The following HERC4 variants were observed in gnomAD, a reference collection of about 807,000 sequenced individuals.
The protein encoded by HERC4 is probable E3 ubiquitin-protein ligase HERC4.
A neutral mutation model predicts 124.3 loss-of-function variants in HERC4; 28 were observed. The ratio of observed to expected loss-of-function variants is 0.23; its 90% CI spans 0.17 to 0.31. The LOEUF is 0.31. HERC4 is among the 10% of genes least tolerant of loss of function. The pLI is 1.00. For synonymous variants in HERC4, 407 were observed against 421.5 expected (o/e 0.97, Z 0.42); for missense variants, 713 against 1,229.3 (o/e 0.58, Z 6.28).
At chr10:68,058,560 C>T (rs1227814764) in intron 3 of HERC4, among the ~76,000 whole-genome samples, 5 of 152,104 alleles carry the variant, frequency 3.3e-5, no homozygotes, top group South Asian at 2.1e-4. Flanking sequence ...ACTCACCATA[C>T]GCTAGGCATT....
intron 8 of HERC4, among the ~76,000 whole-genome samples, chr10:68,023,006 TAA>T (rs767835359): frequency 7.1e-6 from 1 of 140,226 alleles, no homozygotes; most frequent in African/African-American, 2.6e-5. Flanking sequence ...ATAGGTATTA[TAA>T]AAAAAAAAAG....
rs75340014 is a variant in HERC4 at position 68,035,485 on chromosome 10, A to G, written c.464-1299T>C. Among the ~76,000 whole-genome samples, 927 of 152,318 alleles carry G rather than the reference A, an allele frequency of 6.1e-3. 13 individuals carry two copies. Among genetic ancestry groups the G allele is most frequent in the African/African-American group, 0.021 (863 of 41,552 alleles). On this transcript the variant is annotated intron_variant, in intron 5 of 24. Transcript: ENST00000373700. ...ACAATCGCTCTTACCAATTACTGGT[A>G]AGTCCTTCAAGAAATGTTCTATGCA...
In HERC4 at chr10:68,039,332, A is replaced by AAT. The variant is rs1251393087; in HGVS notation, c.387-1164_387-1163insAT. 21 of 1,463,192 alleles carry AAT rather than the reference A, an allele frequency of 1.4e-5. No individual in the cohort carries two copies. The East Asian group carries it at 5.0e-4, about 35-fold the overall frequency. 90.6% of individuals were successfully genotyped at this position (1,463,192 alleles called of 1,614,324 possible). A position where few individuals can be genotyped will look rare whatever the true frequency, so the allele number is the denominator to read the frequency against. On this transcript the variant is annotated intron_variant, in intron 4 of 24. Transcript: ENST00000373700. ...CCCTGTCTCAAAAAAAAAAAAAAAA[A>AAT]AAGAAAGAAAGAAAAGAAAAAACGG...
chr10:68,026,464 CAT>C (rs1391974511), intron 7 of HERC4, among the ~76,000 whole-genome samples: 1 of 151,670 alleles, frequency 6.6e-6, no homozygotes, highest in African/African-American at 2.4e-5. Flanking sequence ...CCTATAAAAA[CAT>C]ATAACTGAAG....
intron 7 of HERC4, among the ~76,000 whole-genome samples, chr10:68,027,507 G>A (rs1022712662): frequency 3.9e-5 from 6 of 152,156 alleles, no homozygotes; most frequent in Admixed American, 6.5e-5. Flanking sequence ...ACTATACCAC[G>A]TTCACAAAAT....
intron 15 of HERC4, among the ~76,000 whole-genome samples, chr10:67,980,917 A>G (rs1042337548): frequency 1.3e-5 from 2 of 152,206 alleles, no homozygotes; most frequent in Non-Finnish European, 2.9e-5. Flanking sequence ...ACAAAAAATA[A>G]AAAGCAAAAA....
chr10:68,060,530 C>T (rs746368133), intron 3 of HERC4, among the ~76,000 whole-genome samples: 4 of 152,114 alleles, frequency 2.6e-5, no homozygotes, highest in Non-Finnish European at 4.4e-5. Flanking sequence ...TGAGCCACCG[C>T]GTCCAGCCAT....
intron 9 of HERC4, chr10:67,994,883 T>A (rs1037598582): frequency 1.2e-5 from 2 of 163,798 alleles, no homozygotes; most frequent in Admixed American, 6.5e-5. Flanking sequence ...ACAGATGGGG[T>A]TTCACCATTT....
intron 3 of HERC4, among the ~76,000 whole-genome samples, chr10:68,045,044 GGT>G (rs2039951559): frequency 6.6e-6 from 1 of 152,210 alleles, no homozygotes; most frequent in African/African-American, 2.4e-5. Context: ...AAACAGGCAC[GGT>G]GTGCTGGCTC....
intron 3 of HERC4, among the ~76,000 whole-genome samples, chr10:68,049,800 A>G (rs2040205134): frequency 6.6e-6 from 1 of 151,642 alleles, no homozygotes; most frequent in African/African-American, 2.4e-5. Context: ...AGTTTCCACT[A>G]CTCAGGGAAT....
At position 68,023,006 on chromosome 10, in the gene HERC4, T is replaced by TA. The variant is rs767835359; in HGVS notation, c.908+2539dup. ...GTTACACGTATTAAAATAGGTATTA[T>TA]AAAAAAAAAAAGAAAAAGGCAAAAT... On this transcript the variant is annotated intron_variant, in intron 8 of 24. Coordinates refer to ENST00000373700, the MANE Select transcript of HERC4 (RefSeq NM_015601.4). Among the ~76,000 whole-genome samples the TA allele has an allele frequency of 3.3e-3, 458 of 140,276 alleles. 1 individual carries two copies. Among genetic ancestry groups the TA allele is most frequent in the African/African-American group, 0.01 (389 of 38,346 alleles). 92.0% of individuals were successfully genotyped at this position (140,276 alleles called of 152,430 possible). A position where few individuals can be genotyped will look rare whatever the true frequency, so the allele number is the denominator to read the frequency against.
chr10:67,960,336 G>T (rs116829553), intron 16 of HERC4, among the ~76,000 whole-genome samples: 1 of 152,086 alleles, frequency 6.6e-6, no homozygotes, highest in African/African-American at 2.4e-5. Context: ...TTCTTCCCTT[G>T]GCTGATTTTT....
At chr10:68,059,026 A>G (rs932195681) in intron 3 of HERC4, among the ~76,000 whole-genome samples, 6 of 152,216 alleles carry the variant, frequency 3.9e-5, no homozygotes, top group Admixed American at 3.3e-4. Context: ...TATAAAGCAA[A>G]TGCAAGTGTG....
At chr10:68,059,861 ATTAT>A (rs2040891530) in intron 3 of HERC4, among the ~76,000 whole-genome samples, 1 of 87,598 alleles carries the variant, frequency 1.1e-5, no homozygotes. Flanking sequence ...ATATCATAAT[ATTAT>A]ATATTATAAT....
Position 67,925,200 on chromosome 10 carries a change from TA to T in HERC4, c.2839-14del, listed in dbSNP as rs747378846. The T allele has an allele frequency of 5.7e-5, 82 of 1,427,446 alleles. No individual in the cohort carries two copies. The highest frequency in any genetic ancestry group is 7.9e-5 in the Non-Finnish European group (80 of 1,012,286). 88.4% of individuals were successfully genotyped at this position (1,427,446 alleles called of 1,614,324 possible). On this transcript the variant is annotated splice_polypyrimidine_tract_variant and intron_variant, in intron 23 of 24. Transcript: ENST00000373700. ...TGTATTCTGTATTCTAAAAACAACA[TA>T]ATCTTTTATTAGTATTAAGGGACAC...
chr10:67,983,572 G>T (rs1304571127), intron 15 of HERC4, among the ~76,000 whole-genome samples: 1 of 152,000 alleles, frequency 6.6e-6, no homozygotes, highest in Non-Finnish European at 1.5e-5. Context: ...AAGGTCAGGA[G>T]ATAGAGACCA....
chr10:67,984,693 C>T (rs1434708971), intron 15 of HERC4, among the ~76,000 whole-genome samples: 1 of 152,184 alleles, frequency 6.6e-6, no homozygotes, highest in Non-Finnish European at 1.5e-5. Context: ...AGCAATTCTC[C>T]TGCCTCAGCC....
chr10:67,997,417 ATCTG>A (rs1236004792), intron 9 of HERC4, among the ~76,000 whole-genome samples: 1 of 152,184 alleles, frequency 6.6e-6, no homozygotes, highest in African/African-American at 2.4e-5. Flanking sequence ...TCATATCATC[ATCTG>A]TATTTATTTT....
chr10:68,069,474 A>G (rs937439196), intron 3 of HERC4: 7 of 985,264 alleles, frequency 7.1e-6, no homozygotes, highest in Non-Finnish European at 8.4e-6. Flanking sequence ...TAATAAAGGA[A>G]TTCAGTTAAA....
Sources: gnomAD v4.1 joint callset for allele counts (sites outside exome capture counted in the v4.1 genomes callset) on GRCh38, gnomAD v4.1.1 for gene constraint, MANE v1.5 for transcripts, NCBI Gene and HGNC (gene_info 2026-07-23, HGNC 2026-07-21) for gene names.